Variants in SREK1 observed in about 807,000 individuals in gnomAD.
The protein encoded by SREK1 is splicing regulatory glutamine/lysine-rich protein 1.
A neutral mutation model predicts 66.5 loss-of-function variants in SREK1; 13 were observed. The observed-to-expected ratio is 0.20, with a 90% CI of 0.13 to 0.31. The LOEUF (loss-of-function observed/expected upper bound fraction) is 0.31. Ranked by LOEUF, SREK1 falls within the 10% of genes least tolerant of loss-of-function variation. The probability of loss-of-function intolerance (pLI) is 1.00; values close to 1 mark genes in which losing one functional copy is unlikely to be tolerated. For missense variants in SREK1, 607 were observed against 769.6 expected, an observed-to-expected ratio of 0.79 and a Z score of 2.50; for synonymous variants, 265 against 263.5, an observed-to-expected ratio of 1.01 and a Z score of -0.05.
At chr5:66,162,742 A>C in intron 5 of SREK1, 150 bp downstream of exon 5, 1 of 632,122 alleles carries the variant, frequency 1.6e-6, no homozygotes, top group Non-Finnish European at 2.5e-6. Flanking sequence ...TACATGAGAT[A>C]CTTACCATTT....
intron 2 of SREK1, among the ~76,000 whole-genome samples, chr5:66,154,610 A>C (rs908989220): frequency 6.6e-6 from 1 of 152,304 alleles, no homozygotes; most frequent in East Asian, 1.9e-4. Context: ...TAAAGGTTTT[A>C]TGCTTATTTC....
intron 1 of SREK1, among the ~76,000 whole-genome samples, chr5:66,148,223 A>C (rs1379812636): frequency 1.3e-5 from 2 of 152,036 alleles, no homozygotes; most frequent in Non-Finnish European, 2.9e-5. Flanking sequence ...TAAATAATGC[A>C]CCAACTAATA....
chr5:66,154,680 G>A (rs1262574172), intron 2 of SREK1, among the ~76,000 whole-genome samples: 3 of 152,096 alleles, frequency 2.0e-5, no homozygotes, highest in South Asian at 2.1e-4. Flanking sequence ...TACCAGGCTC[G>A]TATTTTTTAA....
At position 66,170,188 on chromosome 5, in the gene SREK1, T is replaced by C; in HGVS notation, c.1121+18T>C. 8 of 1,598,264 alleles carry C rather than the reference T, an allele frequency of 5.0e-6. No individual in the cohort carries two copies. Among genetic ancestry groups the C allele is most frequent in the Non-Finnish European group, 6.8e-6 (8 of 1,174,754 alleles). ...CATTCACGGTGAGTTTTAGAGAAAT[T>C]AACAATAATTTTTTTTTCCTCAGAG... On this transcript the variant is annotated intron_variant, in intron 8 of 11. Transcript: ENST00000334121.
intron 9 of SREK1, among the ~76,000 whole-genome samples, chr5:66,171,768 C>T (rs1440460975): frequency 6.6e-6 from 1 of 152,078 alleles, no homozygotes; most frequent in Non-Finnish European, 1.5e-5. Flanking sequence ...TTAATACCAG[C>T]CTTTGACTAG....
chr5:66,147,855 T>TTTAATAAAAGACAA (rs1554074771), intron 1 of SREK1, among the ~76,000 whole-genome samples: 9 of 152,060 alleles, frequency 5.9e-5, no homozygotes, highest in South Asian at 2.1e-4. Context: ...TATCATTATG[T>TTTAATAAAAGACAA]AATATATGTA....
At chr5:66,174,870 C>G in intron 9 of SREK1, 76 bp from the exon 10 acceptor site, 2 of 1,338,664 alleles carry the variant, frequency 1.5e-6, no homozygotes, top group Non-Finnish European at 2.1e-6. Flanking sequence ...TATCAAGGAC[C>G]CTTTTGCTTT....
chr5:66,154,626 G>A (rs1744122438), intron 2 of SREK1, among the ~76,000 whole-genome samples: 2 of 152,088 alleles, frequency 1.3e-5, no homozygotes, highest in African/African-American at 2.4e-5. Flanking sequence ...ATTTCAGAAT[G>A]CCTGTTCTGG....
chr5:66,177,658 A>G lies in SREK1; in HGVS notation c.1725A>G (p.Lys575=). The G allele has an allele frequency of 1.3e-6, 2 of 1,589,182 alleles. No homozygotes were observed. Among genetic ancestry groups the G allele is most frequent in the Non-Finnish European group, 1.7e-6 (2 of 1,171,750 alleles). The change falls in exon 11 of 12, where the codon AAA becomes AAG. Residue 575 remains lysine, a splice_region_variant and synonymous_variant. Coordinates refer to ENST00000334121, the MANE Select transcript of SREK1 (RefSeq NM_001077199.3). The part of the protein sequence containing the change: ...EKLEKNSTSL[K]EKEHNKEPDS... ...TGGAGAAGAACAGTACTTCACTTAA[A>G]GTAAGCAGCAGTCATTCGGTGTCTG...
At chr5:66,164,111 T>TA in intron 6 of SREK1, 189 bp downstream of exon 6, 3 of 632,536 alleles carry the variant, frequency 4.7e-6, no homozygotes, top group South Asian at 5.0e-5. Context: ...CTTTCTGTGA[T>TA]ACTGAATTGA....
At position 66,179,677 on chromosome 5, in the gene SREK1, G is replaced by A. The variant is rs905959267; in HGVS notation, c.*809G>A. ...AATAATATTGCAGTGTGTCTTGTCA[G>A]CTGTAGGTGGCAAAGGTGCCCTTAT... On this transcript the variant is annotated 3_prime_UTR_variant, in exon 12 of 12. Coordinates refer to ENST00000334121, the MANE Select transcript of SREK1 (RefSeq NM_001077199.3). 6.6e-6 allele frequency: 1 copy of A among 152,516 alleles called. No homozygotes were observed. The highest frequency in any genetic ancestry group is 2.4e-5 in the African/African-American group (1 of 41,448). 9.4% of individuals were successfully genotyped at this position (152,516 alleles called of 1,614,324 possible).
intron 1 of SREK1, among the ~76,000 whole-genome samples, chr5:66,151,254 T>C (rs550722067): frequency 9.1e-4 from 138 of 152,334 alleles, no homozygotes; most frequent in Non-Finnish European, 1.7e-3. Context: ...TGCCAGTCGT[T>C]GTGGTGGAGG....
chr5:66,172,630 A>C (rs976828516), intron 9 of SREK1, among the ~76,000 whole-genome samples: 64 of 152,026 alleles, frequency 4.2e-4, no homozygotes, highest in African/African-American at 1.4e-3. Context: ...TCCTGGCCTC[A>C]AGTGATCTGC....
At chr5:66,145,177 A>C in intron 1 of SREK1, 1 of 985,110 alleles carries the variant, frequency 1.0e-6, no homozygotes, top group East Asian at 1.1e-4. Flanking sequence ...AAGCTTTCAG[A>C]AAAAGTGTAA....
intron 9 of SREK1, among the ~76,000 whole-genome samples, chr5:66,172,199 T>C (rs1022958557): frequency 6.6e-6 from 1 of 152,216 alleles, no homozygotes; most frequent in Admixed American, 6.5e-5. Flanking sequence ...GTGATTTTAT[T>C]GATTCTGTGT....
rs566192031 is a variant in SREK1 at position 66,173,125 on chromosome 5, C to T, written c.1485-1821C>T. Among the ~76,000 whole-genome samples, 101 of 152,102 alleles carry T rather than the reference C, an allele frequency of 6.6e-4. 1 individual carries two copies. Among genetic ancestry groups the T allele is most frequent in the Non-Finnish European group, 6.9e-4 (47 of 67,988 alleles). ...TGGAATTACAGACGTGAGCCGCCAC[C>T]GCCCCCAGCCAAGAGTTACAATTTC... On this transcript the variant is annotated intron_variant, in intron 9 of 11. Transcript: ENST00000334121.
intron 7 of SREK1, chr5:66,167,769 C>T (rs1745294020): frequency 1.3e-5 from 2 of 152,062 alleles, no homozygotes; most frequent in Admixed American, 1.3e-4. Flanking sequence ...ATAAGTTTTG[C>T]TTAAGGTTGG....
chr5:66,174,639 C>A, intron 9 of SREK1: 1 of 197,300 alleles, frequency 5.1e-6, no homozygotes, highest in Non-Finnish European at 1.0e-5. Flanking sequence ...GCAGAAACGC[C>A]ACGCCATTAA....
At chr5:66,144,887 T>G (rs575492291) in intron 1 of SREK1, 1 of 1,013,754 alleles carries the variant, frequency 9.9e-7, no homozygotes, top group Non-Finnish European at 1.2e-6. Flanking sequence ...ACAGCCCTCA[T>G]GGCAAACGTC....
Sources: allele counts gnomAD v4.1 joint callset (sites outside exome capture counted in the v4.1 genomes callset), GRCh38; gene constraint gnomAD v4.1.1; transcripts MANE v1.5; gene names NCBI Gene and HGNC (gene_info 2026-07-23, HGNC 2026-07-21).